Variants in LY86 observed in about 807,000 individuals in gnomAD.
The protein encoded by LY86 is lymphocyte antigen 86, also known as MD-1, RP105-associated.
A neutral mutation model predicts 17.3 loss-of-function variants in LY86; 20 were observed. The ratio of observed to expected loss-of-function variants is 1.15; its 90% CI spans 0.81 to 1.68. The LOEUF (loss-of-function observed/expected upper bound fraction) is 1.68. Among genes scored for constraint, LY86 ranks in the 40% most tolerant of loss-of-function variants. LY86 has a pLI of 0.00. For missense variants in LY86, 200 were observed against 191.9 expected, an observed-to-expected ratio of 1.04 and a Z score of -0.25; for synonymous variants, 74 against 70.6, an observed-to-expected ratio of 1.05 and a Z score of -0.24.
intron 1 of LY86, among the ~76,000 whole-genome samples, chr6:6,605,010 A>G (rs1034951807): frequency 2.0e-5 from 3 of 150,530 alleles, no homozygotes; most frequent in African/African-American, 4.8e-5. Flanking sequence ...AAGTCATTCA[A>G]TAGTAAGTAA....
intron 4 of LY86, among the ~76,000 whole-genome samples, chr6:6,654,131 C>T (rs1391674343): frequency 6.6e-6 from 1 of 152,218 alleles, no homozygotes; most frequent in Non-Finnish European, 1.5e-5. Context: ...CTCCTTCTGC[C>T]CCTCTAAGGT....
At chr6:6,612,374 G>A (rs764451725) in intron 1 of LY86, among the ~76,000 whole-genome samples, 72 of 152,366 alleles carry the variant, frequency 4.7e-4, no homozygotes, top group East Asian at 1.9e-3. Context: ...CATTTGGAGT[G>A]TTAATCATTT....
chr6:6,650,868 T>C (rs1762177477), intron 4 of LY86, among the ~76,000 whole-genome samples: 1 of 152,140 alleles, frequency 6.6e-6, no homozygotes, highest in African/African-American at 2.4e-5. Flanking sequence ...CTCTTTATAC[T>C]CTCCCTCTCA....
At chr6:6,598,144 G>C (rs754874120) in intron 1 of LY86, among the ~76,000 whole-genome samples, 2 of 152,108 alleles carry the variant, frequency 1.3e-5, no homozygotes, top group Non-Finnish European at 2.9e-5. Flanking sequence ...TCAAAACTTT[G>C]TAAATTTAAC....
chr6:6,595,373 A>T (rs138903438), intron 1 of LY86, among the ~76,000 whole-genome samples: 12 of 15,112 alleles, frequency 7.9e-4, no homozygotes, highest in African/African-American at 1.1e-3. Flanking sequence ...GAGAAGAAAG[A>T]AGAGAGGGGA....
rs1216290820 is a variant in LY86 at position 6,603,622 on chromosome 6, A to C, written c.136+14752A>C. Among the ~76,000 whole-genome samples, 13 of 135,748 alleles carry C rather than the reference A, an allele frequency of 9.6e-5. No individual in the cohort carries two copies. In the East Asian group the frequency reaches 1.6e-3, roughly 17 times the overall value. The allele number at this position is 135,748 out of a possible 152,430, so 89.1% of individuals were successfully genotyped here. A position where few individuals can be genotyped will look rare whatever the true frequency, so the allele number is the denominator to read the frequency against. On this transcript the variant is annotated intron_variant, in intron 1 of 4. Transcript: ENST00000230568. ...CAGAAACAGAAAAAAAAACAAACAA[A>C]AAAAAACAAAACACACACACACACA... is the stretch of plus-strand genomic sequence containing the variant.
At chr6:6,612,597 ATC>A (rs1761411901) in intron 1 of LY86, among the ~76,000 whole-genome samples, 1 of 146,452 alleles carries the variant, frequency 6.8e-6, no homozygotes. Context: ...TTATTCTCTT[ATC>A]TGGCCCCTCC....
At chr6:6,603,619 C>CAAAAAAAAAAAAAAAAAACAA (rs758614233) in intron 1 of LY86, among the ~76,000 whole-genome samples, 1 of 117,674 alleles carries the variant, frequency 8.5e-6, no homozygotes, top group African/African-American at 3.1e-5. Context: ...AAAAAACAAA[C>CAAAAAAAAAAAAAAAAAACAA]AAAAAAAAAC....
intron 1 of LY86, among the ~76,000 whole-genome samples, chr6:6,599,481 T>C (rs1345698863): frequency 6.6e-6 from 1 of 152,192 alleles, no homozygotes; most frequent in Non-Finnish European, 1.5e-5. Context: ...CAGTGTGGGG[T>C]GAGACACTGG....
intron 1 of LY86, among the ~76,000 whole-genome samples, chr6:6,602,828 A>G (rs1760954174): frequency 6.6e-6 from 1 of 152,180 alleles, no homozygotes; most frequent in Non-Finnish European, 1.5e-5. Flanking sequence ...TGTATTGGAC[A>G]AGCTTACTCC....
At chr6:6,612,478 C>A (rs1761400331) in intron 1 of LY86, among the ~76,000 whole-genome samples, 1 of 151,980 alleles carries the variant, frequency 6.6e-6, no homozygotes, top group South Asian at 2.1e-4. Flanking sequence ...GCAATGCAGA[C>A]CCAAAGTGTA....
intron 3 of LY86, among the ~76,000 whole-genome samples, chr6:6,645,879 G>A (rs552103945): frequency 1.3e-5 from 2 of 152,104 alleles, no homozygotes; most frequent in South Asian, 4.2e-4. Context: ...AAGAAAGCTG[G>A]AACACCAGGC....
chr6:6,618,741 A>G (rs981837015), intron 1 of LY86, among the ~76,000 whole-genome samples: 1 of 152,230 alleles, frequency 6.6e-6, no homozygotes, highest in Non-Finnish European at 1.5e-5. Flanking sequence ...TCCCGAGGAA[A>G]TGCTGGCATA....
intron 1 of LY86, among the ~76,000 whole-genome samples, chr6:6,618,445 A>G (rs1447800313): frequency 6.7e-6 from 1 of 148,800 alleles, no homozygotes; most frequent in African/African-American, 2.5e-5. Context: ...TTTTTTTTGC[A>G]ATTAAAAGCA....
chr6:6,642,786 C>T (rs1381564413), intron 3 of LY86, among the ~76,000 whole-genome samples: 4 of 152,210 alleles, frequency 2.6e-5, no homozygotes, highest in African/African-American at 4.8e-5. Context: ...ATCTGGTTCT[C>T]TCGGGAAATA....
intron 3 of LY86, among the ~76,000 whole-genome samples, chr6:6,642,903 G>A (rs2113158676): frequency 6.6e-6 from 1 of 152,302 alleles, no homozygotes; most frequent in East Asian, 1.9e-4. Flanking sequence ...GGTTGGTCTG[G>A]AACATCCTTC....
Position 6,588,828 on chromosome 6 carries a change from G to GT in LY86, c.95dup (p.Cys33LeufsTer2). On this transcript the variant is annotated frameshift_variant, in exon 1 of 5. Transcript: ENST00000230568. LOFTEE classifies it high-confidence loss of function. ...TGGGAAAGCCTGGCCCACACACGTG[G>GT]TCTGTAGCGACAGCGGCTTGGAAGT... The GT allele has an allele frequency of 6.2e-7, 1 of 1,614,156 alleles. No homozygotes were observed. The highest frequency in any genetic ancestry group is 8.5e-7 in the Non-Finnish European group (1 of 1,180,014).
At chr6:6,647,964 CACAT>C (rs1554126760) in intron 3 of LY86, among the ~76,000 whole-genome samples, 4 of 110,994 alleles carry the variant, frequency 3.6e-5, no homozygotes, top group Non-Finnish European at 5.5e-5. Context: ...CTTCAATCAT[CACAT>C]ACACACACAC....
intron 1 of LY86, 100 bp downstream of exon 1, chr6:6,588,970 G>T: frequency 7.0e-7 from 1 of 1,419,646 alleles, no homozygotes; most frequent in East Asian, 2.4e-5. Context: ...GAGGGGAGAG[G>T]GGACCAGCAG....
Sources: gnomAD v4.1 joint callset for allele counts (sites outside exome capture counted in the v4.1 genomes callset) on GRCh38, gnomAD v4.1.1 for gene constraint, MANE v1.5 for transcripts, NCBI Gene and HGNC (gene_info 2026-07-23, HGNC 2026-07-21) for gene names.